CREB3L1: variants seen among roughly 807,000 people sequenced by gnomAD.
CREB3L1 encodes the protein cyclic AMP-responsive element-binding protein 3-like protein 1.
In CREB3L1, 33 loss-of-function variants were observed where a neutral mutation model predicts 54.5. That is an observed-to-expected ratio of 0.61 (90% CI 0.46 to 0.81). The LOEUF (loss-of-function observed/expected upper bound fraction) is 0.81. Ranked by LOEUF, CREB3L1 falls within the 30% of genes least tolerant of loss-of-function variation. CREB3L1 has a pLI of 0.00. For synonymous variants in CREB3L1, 284 were observed against 286.4 expected, an observed-to-expected ratio of 0.99 and a Z score of 0.08; for missense variants, 656 against 673.3, an observed-to-expected ratio of 0.97 and a Z score of 0.29.
At chr11:46,305,708 GTGTGTGTGTGTGTGTGTGTGTGTGTA>G (rs1939383649) in intron 2 of CREB3L1, among the ~76,000 whole-genome samples, 1 of 117,248 alleles carries the variant, frequency 8.5e-6, no homozygotes. Flanking sequence ...GTGTGTGTGT[GTGTGTGTGTGTGTGTGTGTGTGTGTA>G]TATATATATA....
chr11:46,286,231 G>A (rs1007615000), intron 1 of CREB3L1, among the ~76,000 whole-genome samples: 1 of 152,184 alleles, frequency 6.6e-6, no homozygotes, highest in African/African-American at 2.4e-5. Context: ...GGACGATAGA[G>A]GAATGAATAG....
At chr11:46,309,897 C>T in intron 3 of CREB3L1, 92 bp from the exon 4 acceptor site, 1 of 1,015,140 alleles carries the variant, frequency 9.9e-7, no homozygotes, top group Non-Finnish European at 1.5e-6. Flanking sequence ...CTGTGCAGGG[C>T]AGGCAACCAG....
chr11:46,310,803 G>A (rs1939473426), intron 4 of CREB3L1: 1 of 497,556 alleles, frequency 2.0e-6, no homozygotes, highest in Non-Finnish European at 3.4e-6. Flanking sequence ...TAAAGGAGCT[G>A]GGCCTCTGTG....
intron 4 of CREB3L1, among the ~76,000 whole-genome samples, chr11:46,310,745 C>T (rs1939471797): frequency 6.6e-6 from 1 of 152,038 alleles, no homozygotes; most frequent in African/African-American, 2.4e-5. Flanking sequence ...TCACAGAGGA[C>T]CTCCCACGAA....
rs1169594468 is a variant in CREB3L1 at position 46,320,117 on chromosome 11, G to A, written c.1259-147G>A. The A allele has an allele frequency of 6.8e-6, 6 of 876,950 alleles. No individual in the cohort carries two copies. In the East Asian group the frequency reaches 8.0e-5, roughly 12 times the overall value. 54.3% of individuals were successfully genotyped at this position (876,950 alleles called of 1,614,324 possible). On this transcript the variant is annotated intron_variant, in intron 10 of 11. Transcript: ENST00000621158. ...AGGCTCAGAAAGTTTAAAGCAAAGT[G>A]TGTGGCTTACCTGAGGTCACACATC...
At chr11:46,304,841 G>A (rs567187425) in intron 2 of CREB3L1, among the ~76,000 whole-genome samples, 2 of 152,160 alleles carry the variant, frequency 1.3e-5, no homozygotes, top group African/African-American at 2.4e-5. Context: ...ACAGGCATGA[G>A]CCACCACACC....
chr11:46,313,014 G>T (rs1306596932), intron 8 of CREB3L1, 95 bp downstream of exon 8: 1 of 950,964 alleles, frequency 1.1e-6, no homozygotes, highest in South Asian at 1.7e-5. Context: ...AGAGGAGAGA[G>T]AACTAAGTTT....
Position 46,278,264 on chromosome 11 carries a change from C to A in CREB3L1, c.102+51C>A. The A allele has an allele frequency of 7.7e-7, 1 of 1,292,082 alleles. No individual in the cohort carries two copies. Among genetic ancestry groups the A allele is most frequent in the Non-Finnish European group, 1.1e-6 (1 of 927,982 alleles). 80.0% of individuals were successfully genotyped at this position (1,292,082 alleles called of 1,614,324 possible). ...TTCCACCCCTCGGCACCCGTCCTCG[C>A]GGCGCGCCTGGGCCCCTAGAAGGAC... On this transcript the variant is annotated intron_variant, in intron 1 of 11. Coordinates refer to ENST00000621158, the MANE Select transcript of CREB3L1 (RefSeq NM_052854.4). This position sits in a 1 kb window ranked among gnomAD's most constrained non-coding sequence, Gnocchi z 4.2.
At chr11:46,316,187 G>C (rs572322363) in intron 8 of CREB3L1, 99 bp from the exon 9 acceptor site, 2 of 720,100 alleles carry the variant, frequency 2.8e-6, no homozygotes, top group East Asian at 5.5e-5. Context: ...GGCACCTGGC[G>C]TGGAGGCCAA....
At chr11:46,300,660 G>C (rs1939283625) in intron 2 of CREB3L1, among the ~76,000 whole-genome samples, 1 of 151,920 alleles carries the variant, frequency 6.6e-6, no homozygotes, top group African/African-American at 2.4e-5. Context: ...CCCGAGGTCA[G>C]GAGTTCGAGA....
At chr11:46,308,998 A>T (rs1939444555) in intron 3 of CREB3L1, among the ~76,000 whole-genome samples, 1 of 152,236 alleles carries the variant, frequency 6.6e-6, no homozygotes, top group Non-Finnish European at 1.5e-5. Context: ...AAAATCATGC[A>T]GTTAGAAGCA....
At chr11:46,283,005 T>C (rs907696190) in intron 1 of CREB3L1, among the ~76,000 whole-genome samples, 1 of 151,616 alleles carries the variant, frequency 6.6e-6, no homozygotes, top group Non-Finnish European at 1.5e-5. Context: ...CTGGGCAACA[T>C]AGGGAGACCT....
In CREB3L1 at chr11:46,287,084, T is replaced by C. The variant is rs547029017; in HGVS notation, c.102+8871T>C. On this transcript the variant is annotated intron_variant, in intron 1 of 11. Coordinates refer to ENST00000621158, the MANE Select transcript of CREB3L1 (RefSeq NM_052854.4). ...GATCCTTGCCTGAGGCGGGACGTCTTCAGCACTGCTTAGACCTGGGGCCTC... is the reference window on the plus strand; with the variant it reads ...GATCCTTGCCTGAGGCGGGACGTCTCCAGCACTGCTTAGACCTGGGGCCTC... 6.6e-5 allele frequency among the ~76,000 whole-genome samples: 10 copies of C among 152,306 alleles called. No individual in the cohort carries two copies. In the South Asian group the frequency reaches 1.9e-3, roughly 28 times the overall value.
intron 5 of CREB3L1, among the ~76,000 whole-genome samples, 159 bp from the exon 6 acceptor site, chr11:46,312,166 G>A (rs1358536787): frequency 6.6e-6 from 1 of 152,150 alleles, no homozygotes; most frequent in Non-Finnish European, 1.5e-5. Flanking sequence ...CCTGACACAT[G>A]TTACTGAATT....
At position 46,316,184 on chromosome 11, in the gene CREB3L1, G is replaced by A. The variant is rs555335115; in HGVS notation, c.1032-102G>A. 209 of 700,532 alleles carry A rather than the reference G, an allele frequency of 3.0e-4. 3 individuals carry two copies. In the South Asian group the frequency reaches 3.6e-3, roughly 12 times the overall value. 43.4% of individuals were successfully genotyped at this position (700,532 alleles called of 1,614,324 possible). A position where few individuals can be genotyped will look rare whatever the true frequency, so the allele number is the denominator to read the frequency against. On this transcript the variant is annotated intron_variant, in intron 8 of 11. Transcript: ENST00000621158. ...CCTATCTTGACTGAAACGGGCACCT[G>A]GCGTGGAGGCCAAGTCTGGAGCCAG...
intron 1 of CREB3L1, among the ~76,000 whole-genome samples, chr11:46,289,718 T>G (rs1228508799): frequency 6.6e-6 from 1 of 152,202 alleles, no homozygotes; most frequent in Non-Finnish European, 1.5e-5. Flanking sequence ...GAGCTGGGAA[T>G]GGTCCATCCA....
intron 1 of CREB3L1, among the ~76,000 whole-genome samples, chr11:46,298,038 C>T (rs1011164117): frequency 9.2e-5 from 14 of 152,256 alleles, no homozygotes; most frequent in South Asian, 2.1e-4. Flanking sequence ...TTTCCCCTTA[C>T]GGATAAGGAA....
chr11:46,320,884 T>C lies in CREB3L1; in HGVS notation c.*138T>C, dbSNP rs1385546479. 2.2e-6 allele frequency: 2 copies of C among 906,466 alleles called. No individual in the cohort carries two copies. The highest frequency in any genetic ancestry group is 2.0e-5 in the Admixed American group (1 of 50,236). 56.2% of individuals were successfully genotyped at this position (906,466 alleles called of 1,614,324 possible). The stretch of plus-strand genomic sequence containing the variant: ...GAGAAAAGGCTCCACTTCCCAGCCC[T>C]TCCTTGCCCCTGACATTTGGACTCT... On this transcript the variant is annotated 3_prime_UTR_variant, in exon 12 of 12. Coordinates refer to ENST00000621158, the MANE Select transcript of CREB3L1 (RefSeq NM_052854.4).
chr11:46,288,082 T>TTTATTC (rs1437591622), intron 1 of CREB3L1, among the ~76,000 whole-genome samples: 2 of 152,074 alleles, frequency 1.3e-5, no homozygotes, highest in African/African-American at 2.4e-5. Context: ...TTTATTTATT[T>TTTATTC]ATTTATTCAT....
Sources: allele counts gnomAD v4.1 joint callset (sites outside exome capture counted in the v4.1 genomes callset), GRCh38; gene constraint gnomAD v4.1.1; non-coding constraint Gnocchi (gnomAD v3.1); transcripts MANE v1.5; gene names NCBI Gene and HGNC (gene_info 2026-07-23, HGNC 2026-07-21).